PTGER4: variants seen among roughly 807,000 people sequenced by gnomAD.
The protein encoded by PTGER4 is prostaglandin E2 receptor EP4 subtype.
A neutral mutation model predicts 33.2 loss-of-function variants in PTGER4; 11 were observed. That is an observed-to-expected ratio of 0.33 (90% CI 0.21 to 0.55). PTGER4 has a LOEUF of 0.55. Ranked by LOEUF, PTGER4 falls within the 20% of genes least tolerant of loss-of-function variation. The probability of loss-of-function intolerance (pLI) is 0.92; values close to 1 mark genes in which losing one functional copy is unlikely to be tolerated. For missense variants in PTGER4, 481 were observed against 650.2 expected (o/e 0.74, Z 2.83); for synonymous variants, 275 against 281.5 (o/e 0.98, Z 0.23).
At chr5:40,685,774 A>G (rs1741308747) in intron 2 of PTGER4, among the ~76,000 whole-genome samples, 1 of 152,230 alleles carries the variant, frequency 6.6e-6, no homozygotes, top group South Asian at 2.1e-4. Flanking sequence ...TCTGCAACTT[A>G]CAGGGTAGCT....
At chr5:40,743,004 C>G in the PTGER4 span, among the ~76,000 whole-genome samples, 1 of 152,150 alleles carries the variant, frequency 6.6e-6, no homozygotes, top group African/African-American at 2.4e-5. Flanking sequence ...AGACACTATA[C>G]AAGTTAGATA....
Position 40,692,997 on chromosome 5 carries a change from AGATT to A in PTGER4, c.*623_*626del. 4 of 918,848 alleles carry A rather than the reference AGATT, an allele frequency of 4.4e-6. No homozygotes were observed. Among genetic ancestry groups the A allele is most frequent in the South Asian group, 5.0e-5 (1 of 19,860 alleles). The allele number at this position is 918,848 out of a possible 1,614,324, so 56.9% of individuals were successfully genotyped here. A position where few individuals can be genotyped will look rare whatever the true frequency, so the allele number is the denominator to read the frequency against. ...GAGTCAAAGTTGAAAATTCATAGTAAGATTGATATCTATAAAATAGATATAAATT... is the reference window on the plus strand; with the variant it reads ...GAGTCAAAGTTGAAAATTCATAGTAAGATATCTATAAAATAGATATAAATT... On this transcript the variant is annotated 3_prime_UTR_variant, in exon 3 of 3. Coordinates refer to ENST00000302472, the MANE Select transcript of PTGER4 (RefSeq NM_000958.3).
chr5:40,730,283 G>C, the PTGER4 span: 1 of 1,610,202 alleles, frequency 6.2e-7, no homozygotes, highest in East Asian at 2.2e-5. Flanking sequence ...TCTCGTATAG[G>C]GTAGCATCAT....
the PTGER4 span, among the ~76,000 whole-genome samples, chr5:40,731,605 G>A: frequency 5.3e-5 from 8 of 152,192 alleles, no homozygotes; most frequent in African/African-American, 1.4e-4. Context: ...ATAAGATCTC[G>A]TGAGAACTCA....
the PTGER4 span, among the ~76,000 whole-genome samples, chr5:40,723,246 AAG>A: frequency 5.3e-5 from 8 of 152,188 alleles, no homozygotes; most frequent in East Asian, 1.5e-3. Flanking sequence ...CATGCTCCTT[AAG>A]AGTCATCACC....
chr5:40,746,458 A>G, the PTGER4 span, among the ~76,000 whole-genome samples: 1 of 152,204 alleles, frequency 6.6e-6, no homozygotes, highest in African/African-American at 2.4e-5. Flanking sequence ...TTATAAGCAG[A>G]AAGTTTCCAG....
the PTGER4 span, chr5:40,746,798 C>T: frequency 1.2e-6 from 2 of 1,608,778 alleles, no homozygotes; most frequent in Non-Finnish European, 1.7e-6. Context: ...AAATACATAC[C>T]TTTTATTTTC....
the PTGER4 span, chr5:40,715,919 C>T: frequency 4.8e-6 from 2 of 419,700 alleles, no homozygotes; most frequent in Non-Finnish European, 8.4e-6. Flanking sequence ...TAATCAAAGA[C>T]CATTTTACTC....
chr5:40,697,226 AAAAGAAAGAAAG>A (rs70988803), downstream of PTGER4, among the ~76,000 whole-genome samples: 3,743 of 112,498 alleles, frequency 0.033, 104 homozygotes, highest in Middle Eastern at 0.063. Flanking sequence ...AAGAAAGAAG[AAAAGAAAGAAAG>A]AAAGAAAGAA....
chr5:40,727,644 G>C, the PTGER4 span, among the ~76,000 whole-genome samples: 1 of 152,106 alleles, frequency 6.6e-6, no homozygotes, highest in Non-Finnish European at 1.5e-5. Flanking sequence ...TCCTTCCCCT[G>C]TATAATCTAT....
the PTGER4 span, among the ~76,000 whole-genome samples, chr5:40,719,701 C>A: frequency 6.6e-6 from 1 of 152,196 alleles, no homozygotes; most frequent in Non-Finnish European, 1.5e-5. Context: ...CACACCCTCA[C>A]CAACACTTCA....
the PTGER4 span, among the ~76,000 whole-genome samples, chr5:40,727,753 A>C: frequency 2.0e-5 from 3 of 152,186 alleles, no homozygotes; most frequent in South Asian, 2.1e-4. Flanking sequence ...TTGTCTATTT[A>C]AATAAGGTTT....
the PTGER4 span, among the ~76,000 whole-genome samples, chr5:40,708,277 A>G: frequency 6.6e-6 from 1 of 152,304 alleles, no homozygotes; most frequent in East Asian, 1.9e-4. Flanking sequence ...GAATGGATAG[A>G]CCGCTAGCAA....
At chr5:40,722,550 T>A in the PTGER4 span, among the ~76,000 whole-genome samples, 2 of 145,580 alleles carry the variant, frequency 1.4e-5, no homozygotes, top group South Asian at 4.5e-4. Flanking sequence ...CGCCTCTGCC[T>A]GGCCGCGACC....
the PTGER4 span, among the ~76,000 whole-genome samples, chr5:40,732,445 T>A: frequency 2.0e-5 from 3 of 151,712 alleles, no homozygotes; most frequent in South Asian, 4.2e-4. Context: ...GACCAATACT[T>A]TCTGTAACTA....
At chr5:40,733,341 C>T in the PTGER4 span, among the ~76,000 whole-genome samples, 1 of 152,238 alleles carries the variant, frequency 6.6e-6, no homozygotes, top group Admixed American at 6.5e-5. Flanking sequence ...GTTTTGTGAA[C>T]CATACAGTCT....
the PTGER4 span, among the ~76,000 whole-genome samples, chr5:40,722,322 C>G: frequency 6.6e-6 from 1 of 152,188 alleles, no homozygotes; most frequent in African/African-American, 2.4e-5. Context: ...TCTGCCCGGC[C>G]GCCACCCCGT....
chr5:40,689,942 C>T (rs576042209), intron 2 of PTGER4, among the ~76,000 whole-genome samples: 17 of 152,068 alleles, frequency 1.1e-4, no homozygotes, highest in East Asian at 5.8e-4. Context: ...ATGTGAATTA[C>T]CACTACTACT....
chr5:40,715,025 T>C, the PTGER4 span: 1 of 152,058 alleles, frequency 6.6e-6, no homozygotes, highest in East Asian at 1.9e-4. Flanking sequence ...TCAATAAAAT[T>C]TTTTTTAATA....
Sources: gnomAD v4.1 joint callset for allele counts (sites outside exome capture counted in the v4.1 genomes callset) on GRCh38, gnomAD v4.1.1 for gene constraint, MANE v1.5 for transcripts, NCBI Gene and HGNC (gene_info 2026-07-23, HGNC 2026-07-21) for gene names.